The following GRIN2A variants were observed in gnomAD, a reference collection of about 807,000 sequenced individuals.
GRIN2A encodes the protein glutamate receptor ionotropic, NMDA 2A.
A neutral mutation model predicts 113.4 loss-of-function variants in GRIN2A; 22 were observed. The ratio of observed to expected loss-of-function variants is 0.19; its 90% confidence interval spans 0.14 to 0.28. GRIN2A has a LOEUF of 0.28. GRIN2A is among the 10% of genes least tolerant of loss of function. The pLI is 1.00. For synonymous variants in GRIN2A, 827 were observed against 738.4 expected, an observed-to-expected ratio of 1.12 and a Z score of -1.94; for missense variants, 1,502 against 1,887.0, an observed-to-expected ratio of 0.80 and a Z score of 3.78.
intron 2 of GRIN2A, among the ~76,000 whole-genome samples, chr16:10,065,124 C>A (rs555026459): frequency 6.6e-6 from 1 of 152,302 alleles, no homozygotes; most frequent in South Asian, 2.1e-4. Flanking sequence ...ATCTCTGATG[C>A]AATTGGGCAT....
At chr16:10,127,179 C>A (rs1163426317) in intron 2 of GRIN2A, among the ~76,000 whole-genome samples, 6 of 151,656 alleles carry the variant, frequency 4.0e-5, no homozygotes, top group Admixed American at 3.9e-4. Context: ...TTGCAGTGAG[C>A]AGAGATCGTG....
intron 2 of GRIN2A, among the ~76,000 whole-genome samples, chr16:10,162,900 G>A (rs532247161): frequency 7.2e-5 from 11 of 152,248 alleles, no homozygotes; most frequent in Admixed American, 3.9e-4. Context: ...TTCCTATTTC[G>A]GAGGAGGGAA....
At chr16:10,156,747 A>G (rs1279751857) in intron 2 of GRIN2A, among the ~76,000 whole-genome samples, 1 of 152,206 alleles carries the variant, frequency 6.6e-6, no homozygotes, top group Non-Finnish European at 1.5e-5. Context: ...ACTAACAATG[A>G]CATGTTTCAC....
chr16:9,854,174 G>A (rs1387299035), intron 4 of GRIN2A, among the ~76,000 whole-genome samples: 2 of 152,056 alleles, frequency 1.3e-5, no homozygotes, highest in Non-Finnish European at 2.9e-5. Flanking sequence ...GTCAGAAAGT[G>A]TTAGAATGAT....
chr16:9,916,892 T>TACTG (rs1163151740), intron 3 of GRIN2A, among the ~76,000 whole-genome samples: 6 of 152,246 alleles, frequency 3.9e-5, no homozygotes, highest in African/African-American at 1.4e-4. Flanking sequence ...TTTTGGCAGC[T>TACTG]ACTGCTCCAT....
chr16:9,935,558 A>T (rs1596615618), intron 3 of GRIN2A, among the ~76,000 whole-genome samples: 1 of 137,842 alleles, frequency 7.3e-6, no homozygotes, highest in South Asian at 2.3e-4. Context: ...ACACACACAC[A>T]CTCCTCCAGC....
intron 3 of GRIN2A, among the ~76,000 whole-genome samples, chr16:9,934,688 A>T (rs2044671309): frequency 2.0e-5 from 3 of 150,068 alleles, no homozygotes; most frequent in Non-Finnish European, 4.4e-5. Flanking sequence ...TAAAAAAAAA[A>T]AAAAAAAAAA....
chr16:10,118,778 T>C (rs931508767), intron 2 of GRIN2A, among the ~76,000 whole-genome samples: 3 of 152,214 alleles, frequency 2.0e-5, no homozygotes, highest in African/African-American at 4.8e-5. Context: ...TAAATTTTCA[T>C]AACCAGAGAC....
At chr16:9,844,964 G>C (rs898876942) in intron 5 of GRIN2A, among the ~76,000 whole-genome samples, 3 of 152,100 alleles carry the variant, frequency 2.0e-5, no homozygotes, top group African/African-American at 7.2e-5. Flanking sequence ...AAACAAAAAG[G>C]TTTCACACAA....
chr16:10,084,252 G>C (rs1432161355), intron 2 of GRIN2A, among the ~76,000 whole-genome samples: 1 of 152,146 alleles, frequency 6.6e-6, no homozygotes, highest in Non-Finnish European at 1.5e-5. Flanking sequence ...CAAATGTTGT[G>C]CCAGCCCCTT....
At chr16:9,907,352 C>T (rs140669165) in intron 3 of GRIN2A, among the ~76,000 whole-genome samples, 3 of 152,286 alleles carry the variant, frequency 2.0e-5, no homozygotes, top group African/African-American at 4.8e-5. Context: ...TACTGATTGA[C>T]GGAAGTGACC....
chr16:9,973,486 A>G (rs2045714195), intron 2 of GRIN2A, among the ~76,000 whole-genome samples: 2 of 152,176 alleles, frequency 1.3e-5, no homozygotes, highest in Admixed American at 1.3e-4. Flanking sequence ...TCCTACAAGA[A>G]AGAGAATGGA....
chr16:9,960,238 CA>C (rs770107237), intron 2 of GRIN2A, among the ~76,000 whole-genome samples: 2 of 152,112 alleles, frequency 1.3e-5, no homozygotes, highest in Non-Finnish European at 2.9e-5. Context: ...ATTGCAGACA[CA>C]GAGTTTATAA....
intron 11 of GRIN2A, among the ~76,000 whole-genome samples, chr16:9,787,847 C>G (rs755312026): frequency 1.3e-5 from 2 of 152,164 alleles, no homozygotes; most frequent in Non-Finnish European, 2.9e-5. Flanking sequence ...GCATTTATCT[C>G]TTTAATTGGG....
At chr16:10,062,938 A>T (rs2142011087) in intron 2 of GRIN2A, among the ~76,000 whole-genome samples, 1 of 152,282 alleles carries the variant, frequency 6.6e-6, no homozygotes, top group Non-Finnish European at 1.5e-5. Flanking sequence ...TGTTCGCTGC[A>T]GCACTATTCA....
At position 9,754,860 on chromosome 16, in the gene GRIN2A, C is replaced by T; in HGVS notation, c.*8289G>A. On this transcript the variant is annotated 3_prime_UTR_variant, in exon 13 of 13. Transcript: ENST00000330684. ...AGTTATCAATAGTCTTTGATTTGAGCCCTTTAAAACTTGAAACAGCAAAAT... is the reference window on the plus strand; with the variant it reads ...AGTTATCAATAGTCTTTGATTTGAGTCCTTTAAAACTTGAAACAGCAAAAT... The T allele has an allele frequency of 4.5e-6, 1 of 223,896 alleles. No individual in the cohort carries two copies. 13.9% of individuals were successfully genotyped at this position (223,896 alleles called of 1,614,324 possible). A position where few individuals can be genotyped will look rare whatever the true frequency, so the allele number is the denominator to read the frequency against.
At chr16:10,149,892 T>G (rs1339180912) in intron 2 of GRIN2A, among the ~76,000 whole-genome samples, 1 of 152,206 alleles carries the variant, frequency 6.6e-6, no homozygotes, top group Non-Finnish European at 1.5e-5. Flanking sequence ...TTTAAAAAGT[T>G]TAATTGTGTT....
intron 10 of GRIN2A, among the ~76,000 whole-genome samples, chr16:9,809,554 T>A (rs930493845): frequency 6.6e-6 from 1 of 151,900 alleles, no homozygotes; most frequent in African/African-American, 2.4e-5. Flanking sequence ...TATTTTCATT[T>A]TTTTTTTTTT....
chr16:10,057,365 G>T (rs1425559084), intron 2 of GRIN2A, among the ~76,000 whole-genome samples: 3 of 152,136 alleles, frequency 2.0e-5, no homozygotes, highest in African/African-American at 7.2e-5. Context: ...TAACTATGTT[G>T]GTGGCACTTA....
Sources: allele counts gnomAD v4.1 joint callset (sites outside exome capture counted in the v4.1 genomes callset), GRCh38; gene constraint gnomAD v4.1.1; transcripts MANE v1.5; gene names NCBI Gene and HGNC (gene_info 2026-07-23, HGNC 2026-07-21).